Variants in C3orf20 observed in about 807,000 individuals in gnomAD.
C3orf20 encodes the protein family with sequence similarity 149 member C, also known as uncharacterized protein C3orf20.
C3orf20 carries 76 observed loss-of-function variants against 88.3 expected under a neutral mutation model. That is an observed-to-expected ratio of 0.86 (90% CI 0.72 to 1.04). The LOEUF (loss-of-function observed/expected upper bound fraction) is 1.04. Among genes scored for constraint, C3orf20 ranks in the 50% least tolerant of loss-of-function variants. The pLI is 0.00. For synonymous variants in C3orf20, 436 were observed against 437.4 expected (o/e 1.00, Z 0.04); for missense variants, 1,056 against 1,123.3 (o/e 0.94, Z 0.86).
chr3:14,689,844 T>C (rs2032626201), intron 4 of C3orf20, among the ~76,000 whole-genome samples, 153 bp from the exon 5 acceptor site: 1 of 152,074 alleles, frequency 6.6e-6, no homozygotes, highest in Non-Finnish European at 1.5e-5. Context: ...CATTGCAAAA[T>C]CTTCTTCCAA....
At chr3:14,698,003 GTGC>G (rs2033083600) in intron 5 of C3orf20, among the ~76,000 whole-genome samples, 1 of 152,148 alleles carries the variant, frequency 6.6e-6, no homozygotes, top group South Asian at 2.1e-4. Context: ...ATTGTGAATA[GTGC>G]TGCAATGAAC....
chr3:14,724,148 T>G (rs2034269762), intron 10 of C3orf20, among the ~76,000 whole-genome samples: 1 of 152,206 alleles, frequency 6.6e-6, no homozygotes, highest in Non-Finnish European at 1.5e-5. Flanking sequence ...TGATTAAGTA[T>G]GCACTGGCTA....
chr3:14,726,749 G>A (rs1310710472), intron 10 of C3orf20, 152 bp from the exon 11 acceptor site: 4 of 1,020,784 alleles, frequency 3.9e-6, no homozygotes, highest in Admixed American at 2.3e-5. Context: ...GAACTCACTG[G>A]GCTGAGAGGG....
chr3:14,734,018 A>G (rs1046588338), intron 12 of C3orf20, among the ~76,000 whole-genome samples: 3 of 152,202 alleles, frequency 2.0e-5, no homozygotes, highest in Admixed American at 1.3e-4. Flanking sequence ...ATCCTTTTGC[A>G]ATATTTTAAA....
rs2034172436 is a variant in C3orf20 at position 14,721,779 on chromosome 3, A to G, written c.1561A>G (p.Lys521Glu). ...TTGTCCCCATGGAATGGCATATGAC[A>G]AACGGGTAAGGCAAGGCAGACTATG... is the stretch of plus-strand genomic sequence containing the variant. ...NNCPHGMAYDKRLNRRISNMD... is the reference protein window; with the variant it reads ...NNCPHGMAYDERLNRRISNMD... The change falls in exon 10 of 17, where the codon AAA (lysine) becomes GAA (glutamate). Residue 521 changes from lysine (K) to glutamate (E), a missense_variant. Physicochemically the swap from Lys to Glu is moderately conservative, Grantham distance 56 (BLOSUM62 1). Coordinates refer to ENST00000253697, the MANE Select transcript of C3orf20 (RefSeq NM_032137.5). 1 of 1,614,176 alleles carries G rather than the reference A, an allele frequency of 6.2e-7. No individual in the cohort carries two copies. The highest frequency in any genetic ancestry group is 8.5e-7 in the Non-Finnish European group (1 of 1,180,004).
In C3orf20 at chr3:14,726,933, G is replaced by A. The variant is rs773609128; in HGVS notation, c.1599G>A (p.Lys533=). ...LNRRISNMDD[K]VYKMSRALAE... Reference sequence around the variant, plus strand: ...GCAGAATCAGCAACATGGACGACAAGGTGTATAAGATGAGCCGAGCCCTGG... The same window carrying A: ...GCAGAATCAGCAACATGGACGACAAAGTGTATAAGATGAGCCGAGCCCTGG... Residue 533 remains lysine (K), a synonymous_variant, in exon 11 of 17, where the codon AAG becomes AAA. Coordinates refer to ENST00000253697, the MANE Select transcript of C3orf20 (RefSeq NM_032137.5). 3.5e-5 allele frequency: 57 copies of A among 1,614,018 alleles called. No homozygotes were observed. In the Admixed American group the frequency reaches 9.5e-4, roughly 27 times the overall value.
intron 1 of C3orf20, among the ~76,000 whole-genome samples, chr3:14,677,599 C>T (rs2031846428): frequency 6.6e-6 from 1 of 152,132 alleles, no homozygotes; most frequent in Non-Finnish European, 1.5e-5. Flanking sequence ...CTCCCGGGTT[C>T]AGGCGATTCT....
At chr3:14,712,475 C>G (rs2033790231) in intron 7 of C3orf20, among the ~76,000 whole-genome samples, 1 of 152,142 alleles carries the variant, frequency 6.6e-6, no homozygotes, top group Admixed American at 6.5e-5. Context: ...ACTAATTTAC[C>G]TGTGTATTAC....
chr3:14,682,474 A>T (rs1382687238), intron 2 of C3orf20, 104 bp from the exon 3 acceptor site: 1 of 544,254 alleles, frequency 1.8e-6, no homozygotes, highest in Non-Finnish European at 3.2e-6. Context: ...ACTCACTAAC[A>T]TTGGTCTCTC....
In C3orf20 at chr3:14,715,279, T is replaced by C; in HGVS notation, c.1314-10T>C. 3 of 1,610,498 alleles carry C rather than the reference T, an allele frequency of 1.9e-6. No homozygotes were observed. The highest frequency in any genetic ancestry group is 2.5e-6 in the Non-Finnish European group (3 of 1,178,736). ...CCGGTGGCAGCTACTCACTTCTGTATCTCTCCTAGTTGCCCATATGTCTTA... is the reference window on the plus strand; with the variant it reads ...CCGGTGGCAGCTACTCACTTCTGTACCTCTCCTAGTTGCCCATATGTCTTA... On this transcript the variant is annotated splice_polypyrimidine_tract_variant and intron_variant, in intron 8 of 16. Coordinates refer to ENST00000253697, the MANE Select transcript of C3orf20 (RefSeq NM_032137.5).
intron 5 of C3orf20, among the ~76,000 whole-genome samples, chr3:14,702,326 C>T (rs973755126): frequency 6.6e-6 from 1 of 152,142 alleles, no homozygotes; most frequent in Non-Finnish European, 1.5e-5. Context: ...CTGGGTCCCT[C>T]CCACAACAAA....
intron 9 of C3orf20, among the ~76,000 whole-genome samples, chr3:14,718,041 T>G (rs938935976): frequency 1.3e-5 from 2 of 152,146 alleles, no homozygotes; most frequent in Admixed American, 1.3e-4. Flanking sequence ...TTCCATTTAC[T>G]GAGTTTCTTG....
In C3orf20 at chr3:14,703,262, T is replaced by C; in HGVS notation, c.878T>C (p.Ile293Thr). The change falls in exon 6 of 17, where the codon ATA becomes ACA. Residue 293 changes from isoleucine (I) to threonine (T), a missense_variant and splice_region_variant. Transcript: ENST00000253697. ...AAGCTGCAGGAGTTGTGTCGCCACA[T>C]GTGAGCACCTCAGTGCTTGGGTCGG... is the stretch of plus-strand genomic sequence containing the variant. ...REKLQELCRH[I>T]EAERATWKGR... is the part of the protein sequence containing the mutation. The C allele has an allele frequency of 6.2e-7, 1 of 1,614,012 alleles. No homozygotes were observed. The highest frequency in any genetic ancestry group is 2.2e-5 in the East Asian group (1 of 44,872).
At chr3:14,684,196 G>C in intron 3 of C3orf20, 46 bp from the exon 4 acceptor site, 1 of 1,606,916 alleles carries the variant, frequency 6.2e-7, no homozygotes, top group Non-Finnish European at 8.5e-7. Context: ...GGAAGCATTA[G>C]CCCCATGCTA....
At chr3:14,708,899 C>T (rs2033629291) in intron 7 of C3orf20, among the ~76,000 whole-genome samples, 4 of 152,292 alleles carry the variant, frequency 2.6e-5, no homozygotes, top group Middle Eastern at 3.4e-3. Flanking sequence ...CCACTTCAGC[C>T]TCCCAAAGTG....
intron 12 of C3orf20, among the ~76,000 whole-genome samples, chr3:14,744,167 G>C (rs1210243900): frequency 6.6e-6 from 1 of 151,874 alleles, no homozygotes; most frequent in Non-Finnish European, 1.5e-5. Flanking sequence ...CAACACCCAG[G>C]TTACCTCTTG....
At chr3:14,728,232 A>G (rs913030251) in intron 11 of C3orf20, among the ~76,000 whole-genome samples, 3 of 152,096 alleles carry the variant, frequency 2.0e-5, no homozygotes, top group African/African-American at 7.2e-5. Flanking sequence ...CATTCTTACA[A>G]CACAACATTT....
At chr3:14,703,044 A>C in intron 5 of C3orf20, 86 bp from the exon 6 acceptor site, 1 of 1,479,534 alleles carries the variant, frequency 6.8e-7, no homozygotes, top group Non-Finnish European at 9.4e-7. Context: ...CTTTGACTCC[A>C]GGTCTCACAT....
chr3:14,751,801 A>G (rs907976712), intron 12 of C3orf20, among the ~76,000 whole-genome samples: 1 of 152,196 alleles, frequency 6.6e-6, no homozygotes, highest in Non-Finnish European at 1.5e-5. Flanking sequence ...TTCAAGGAGG[A>G]CTACAAACCA....
Sources: gnomAD v4.1 joint callset for allele counts (sites outside exome capture counted in the v4.1 genomes callset) on GRCh38, gnomAD v4.1.1 for gene constraint, MANE v1.5 for transcripts, NCBI Gene and HGNC (gene_info 2026-07-23, HGNC 2026-07-21) for gene names.